The following RERE variants were observed in gnomAD, a reference collection of about 807,000 sequenced individuals.
RERE encodes the protein arginine-glutamic acid dipeptide repeats, also known as arginine-glutamic acid dipeptide repeats protein.
Under a neutral mutation model 146.1 loss-of-function variants are expected in RERE, and 40 were observed. The observed-to-expected ratio is 0.27, with a 90% CI of 0.21 to 0.36. RERE has a LOEUF of 0.36. RERE is among the 10% of genes least tolerant of loss of function. The pLI is 1.00. For synonymous variants in RERE, 1,003 were observed against 866.0 expected, an observed-to-expected ratio of 1.16 and a Z score of -2.78; for missense variants, 1,933 against 2,138.7, an observed-to-expected ratio of 0.90 and a Z score of 1.90.
intron 1 of RERE, among the ~76,000 whole-genome samples, chr1:8,675,526 T>TA (rs1374923853): frequency 6.9e-6 from 1 of 145,374 alleles, no homozygotes; most frequent in African/African-American, 2.5e-5. Context: ...ATACAAAAAT[T>TA]AGACAGGCGT....
At chr1:8,486,755 T>TAAAAAAAAAAAAAAAAAAAAAAA (rs33956517) in intron 10 of RERE, among the ~76,000 whole-genome samples, 2 of 122,322 alleles carry the variant, frequency 1.6e-5, no homozygotes, top group African/African-American at 3.1e-5. Context: ...GAGTCCATCT[T>TAAAAAAAAAAAAAAAAAAAAAAA]AAAAAAAAAA....
At chr1:8,667,788 A>G (rs937013025) in intron 1 of RERE, among the ~76,000 whole-genome samples, 2 of 152,256 alleles carry the variant, frequency 1.3e-5, no homozygotes, top group Admixed American at 1.3e-4. Context: ...TAGCTTGTAC[A>G]CTGCCAACAG....
intron 7 of RERE, among the ~76,000 whole-genome samples, chr1:8,535,974 C>T (rs1193827927): frequency 3.3e-5 from 5 of 151,656 alleles, no homozygotes; most frequent in Non-Finnish European, 7.4e-5. Flanking sequence ...GGAGTGGTGG[C>T]GGGTGCCTGT....
In RERE at chr1:8,656,286, G is replaced by T. The variant is rs752044237; in HGVS notation, c.12C>A (p.Asp4Glu). 1.9e-6 allele frequency: 3 copies of T among 1,611,898 alleles called. No individual in the cohort carries two copies. The African/African-American group carries it at 4.0e-5, about 22-fold the overall frequency. MTADKDKDKDKEKD... is the reference protein window; with the variant it reads MTAEKDKDKDKEKD... ...TCTCTTTGTCTTTGTCTTTGTCTTTGTCCGCTGTCATGATTCGCCACGTGC... is the reference window on the plus strand; with the variant it reads ...TCTCTTTGTCTTTGTCTTTGTCTTTTTCCGCTGTCATGATTCGCCACGTGC... The change falls in exon 2 of 23, where the codon GAC becomes GAA. Residue 4 changes from aspartate (D) to glutamate (E), a missense_variant. Around this residue, in one of 11 missense-constraint regions of RERE, gnomAD observed 107 missense variants for 119.7 expected, o/e 0.89. Coordinates refer to ENST00000400908, the MANE Select transcript of RERE (RefSeq NM_001042681.2).
In RERE at chr1:8,365,885, C is replaced by A. The variant is rs748247759; in HGVS notation, c.1374G>T (p.Val458=). The change falls in exon 13 of 23, where the codon GTG becomes GTT. Residue 458 remains valine, a synonymous_variant. Transcript: ENST00000400908. The part of the protein sequence containing the change: ...RAHRRHRRQA[V]FRRIKTRTAS... ...CGGTGCGAGTCTTAATCCTCCTGAA[C>A]ACGGCCTGCCTGCGGTGCCTACGAT... 2 of 1,614,066 alleles carry A rather than the reference C, an allele frequency of 1.2e-6. No homozygotes were observed. Among genetic ancestry groups the A allele is most frequent in the South Asian group, 1.1e-5 (1 of 91,082 alleles).
intron 6 of RERE, among the ~76,000 whole-genome samples, chr1:8,552,704 G>T (rs1017589947): frequency 1.3e-5 from 2 of 152,186 alleles, no homozygotes; most frequent in African/African-American, 4.8e-5. Flanking sequence ...GAGACTGCTG[G>T]GGGGCACTGC....
chr1:8,414,212 T>TC (rs1287258483), intron 12 of RERE, among the ~76,000 whole-genome samples: 1 of 151,538 alleles, frequency 6.6e-6, no homozygotes, highest in East Asian at 1.9e-4. Context: ...TACCAAAAGC[T>TC]CCCCCAAAAT....
chr1:8,617,715 A>ATAACAGT (rs1646871104), intron 3 of RERE, among the ~76,000 whole-genome samples: 1 of 151,144 alleles, frequency 6.6e-6, no homozygotes, highest in African/African-American at 2.4e-5. Flanking sequence ...TTCATAACAC[A>ATAACAGT]TGGCCTTTTC....
At chr1:8,712,628 GAACA>G (rs1019053470) in intron 1 of RERE, among the ~76,000 whole-genome samples, 13 of 152,302 alleles carry the variant, frequency 8.5e-5, no homozygotes, top group African/African-American at 3.1e-4. Flanking sequence ...AGCAGACATT[GAACA>G]AACAGAGACG....
intron 1 of RERE, among the ~76,000 whole-genome samples, chr1:8,703,508 G>A (rs1639502543): frequency 6.6e-6 from 1 of 151,972 alleles, no homozygotes; most frequent in Non-Finnish European, 1.5e-5. Flanking sequence ...GCTGGCCGCC[G>A]CCGCGGGCGC....
At chr1:8,582,355 G>T (rs1324372296) in intron 4 of RERE, among the ~76,000 whole-genome samples, 2 of 151,092 alleles carry the variant, frequency 1.3e-5, no homozygotes, top group South Asian at 4.2e-4. Flanking sequence ...TGGGACTATA[G>T]GTGTGTATCA....
At chr1:8,476,228 T>G (rs2124165220) in intron 10 of RERE, among the ~76,000 whole-genome samples, 1 of 152,294 alleles carries the variant, frequency 6.6e-6, no homozygotes, top group East Asian at 1.9e-4. Context: ...GTACTAAAAA[T>G]GAGGAAATGA....
chr1:8,780,299 C>T (rs1355102646), intron 1 of RERE, among the ~76,000 whole-genome samples: 2 of 152,078 alleles, frequency 1.3e-5, no homozygotes, highest in Admixed American at 6.6e-5. Flanking sequence ...GACATTACAG[C>T]GAGTACATGC....
intron 1 of RERE, chr1:8,798,673 G>A (rs919953675): frequency 1.5e-5 from 3 of 202,588 alleles, no homozygotes; most frequent in South Asian, 1.0e-4. Context: ...AGATGAAGAA[G>A]AGTCAAAGAT....
chr1:8,361,829 C>G lies in RERE; in HGVS notation c.1950G>C (p.Gln650His), dbSNP rs1306238976. The G allele has an allele frequency of 1.2e-6, 2 of 1,614,128 alleles. No homozygotes were observed. The highest frequency in any genetic ancestry group is 3.3e-5 in the Admixed American group (2 of 60,024). ...CCGTATCAGAGGCCACCTTCTCCCG[C>G]TGGCGTTTGTTACTCTTAAGAGGGG... ...ASSPLKSNKRQREKVASDTEE... is the reference protein window; with the variant it reads ...ASSPLKSNKRHREKVASDTEE... Residue 650 changes from glutamine to histidine, a missense_variant, in exon 17 of 23, where the codon CAG becomes CAC. Coordinates refer to ENST00000400908, the MANE Select transcript of RERE (RefSeq NM_001042681.2).
Position 8,719,987 on chromosome 1 carries a change from T to C in RERE, c.-144-63546A>G, listed in dbSNP as rs550501573. Among the ~76,000 whole-genome samples, 10 of 152,226 alleles carry C rather than the reference T, an allele frequency of 6.6e-5. No individual in the cohort carries two copies. In the East Asian group the frequency reaches 1.7e-3, roughly 26 times the overall value. ...CCTGAATAATTTACTCACTCATTAA[T>C]GGAACTTACAAGCCCTAATATGTGC... On this transcript the variant is annotated intron_variant, in intron 1 of 22. Transcript: ENST00000400908.
chr1:8,499,564 G>C (rs759634223), intron 8 of RERE, among the ~76,000 whole-genome samples: 1 of 152,222 alleles, frequency 6.6e-6, no homozygotes, highest in Non-Finnish European at 1.5e-5. Context: ...TTATGTAAAA[G>C]TTTGTGGTTT....
At chr1:8,669,192 C>T (rs1054452016) in intron 1 of RERE, among the ~76,000 whole-genome samples, 3 of 151,832 alleles carry the variant, frequency 2.0e-5, no homozygotes, top group African/African-American at 7.3e-5. Context: ...CCCCCCAACT[C>T]GGCCTCTCCA....
At chr1:8,458,715 T>C (rs1433816359) in intron 11 of RERE, among the ~76,000 whole-genome samples, 2 of 152,110 alleles carry the variant, frequency 1.3e-5, no homozygotes, top group Non-Finnish European at 2.9e-5. Context: ...AAGAAAAGAA[T>C]AATCTTGTTA....
Sources: gnomAD v4.1 joint callset for allele counts (sites outside exome capture counted in the v4.1 genomes callset) on GRCh38, gnomAD v4.1.1 for gene constraint, gnomAD v4.1.1 regional missense constraint, MANE v1.5 for transcripts, NCBI Gene and HGNC (gene_info 2026-07-23, HGNC 2026-07-21) for gene names.